The following SMAD1 variants were observed in gnomAD, a reference collection of about 807,000 sequenced individuals.
SMAD1 encodes the protein SMAD family member 1, also known as MAD, mothers against decapentaplegic homolog 1.
SMAD1 carries 6 observed loss-of-function variants against 41.6 expected under a neutral mutation model. The ratio of observed to expected loss-of-function variants is 0.14; its 90% confidence interval spans 0.08 to 0.28. SMAD1 has a LOEUF of 0.28. Among genes scored for constraint, SMAD1 ranks in the 10% least tolerant of loss-of-function variants. SMAD1 has a pLI of 1.00. For synonymous variants in SMAD1, 206 were observed against 203.2 expected (o/e 1.01, Z -0.12); for missense variants, 379 against 582.6 (o/e 0.65, Z 3.60).
intron 1 of SMAD1, among the ~76,000 whole-genome samples, chr4:145,489,760 T>C (rs1728676428): frequency 1.3e-5 from 2 of 152,214 alleles, no homozygotes; most frequent in Admixed American, 6.5e-5. Flanking sequence ...AGCTTTACGT[T>C]AGACTCTCTG....
At chr4:145,541,389 G>A (rs1394327296) in intron 3 of SMAD1, among the ~76,000 whole-genome samples, 1 of 152,192 alleles carries the variant, frequency 6.6e-6, no homozygotes, top group African/African-American at 2.4e-5. Context: ...GCCATAGGTT[G>A]CCAATGAAAT....
At chr4:145,553,371 G>T (rs1732661087) in intron 5 of SMAD1, among the ~76,000 whole-genome samples, 1 of 152,130 alleles carries the variant, frequency 6.6e-6, no homozygotes. Flanking sequence ...TTTTTCCACA[G>T]GGGATGGGAA....
At chr4:145,522,073 C>A (rs1212852505) in intron 2 of SMAD1, among the ~76,000 whole-genome samples, 4 of 151,950 alleles carry the variant, frequency 2.6e-5, no homozygotes, top group African/African-American at 9.7e-5. Context: ...TTTGGGAGGC[C>A]AAGGCGGGCG....
In SMAD1 at chr4:145,503,990, A is replaced by G. The variant is rs192831480; in HGVS notation, c.-176-10448A>G. ...AATTGGAATAATTGGGTAAATAATT[A>G]TCTTGTTTCTGTTCATCTTTCTTAA... On this transcript the variant is annotated intron_variant, in intron 1 of 6. Coordinates refer to ENST00000302085, the MANE Select transcript of SMAD1 (RefSeq NM_005900.3). The G allele has an allele frequency of 3.9e-5, 6 of 152,284 alleles. No homozygotes were observed. In the East Asian group the frequency reaches 1.2e-3, roughly 29 times the overall value. 9.4% of individuals were successfully genotyped at this position (152,284 alleles called of 1,614,324 possible). A position where few individuals can be genotyped will look rare whatever the true frequency, so the allele number is the denominator to read the frequency against.
chr4:145,554,441 C>G (rs1732728400), intron 6 of SMAD1, among the ~76,000 whole-genome samples: 1 of 151,770 alleles, frequency 6.6e-6, no homozygotes, highest in South Asian at 2.1e-4. Context: ...GATGGTAATG[C>G]TTGTTTTTGT....
At chr4:145,494,961 G>A (rs1728983957) in intron 1 of SMAD1, among the ~76,000 whole-genome samples, 1 of 152,178 alleles carries the variant, frequency 6.6e-6, no homozygotes, top group Non-Finnish European at 1.5e-5. Flanking sequence ...CTTTGTGGAA[G>A]AATCAGCAGT....
At chr4:145,544,672 A>C (rs1732147902) in intron 4 of SMAD1, 1 of 151,812 alleles carries the variant, frequency 6.6e-6, no homozygotes, top group South Asian at 2.1e-4. Flanking sequence ...CACCACTTTA[A>C]TCATTATGAT....
In SMAD1 at chr4:145,542,613, T is replaced by G. The variant is rs1284133011; in HGVS notation, c.690T>G (p.Pro230=). 6.2e-7 allele frequency: 1 copy of G among 1,611,830 alleles called. No homozygotes were observed. The change falls in exon 4 of 7, where the codon CCT becomes CCG. Residue 230 remains proline (P), a synonymous_variant. Transcript: ENST00000302085. ...CGCCCCCACCTGCTTACCTGCCTCC[T>G]GAAGACCCCATGACCCAGGATGGCT... ...ADTPPPAYLP[P]EDPMTQDGSQ...
chr4:145,481,794 G>T (rs988807595), upstream of SMAD1: 4 of 189,156 alleles, frequency 2.1e-5, no homozygotes, highest in Non-Finnish European at 3.2e-5. Flanking sequence ...AGTGCGCCGG[G>T]TATTGGCAGC....
At position 145,515,134 on chromosome 4, in the gene SMAD1, CTGTGTGTG is replaced by C. The variant is rs377610507; in HGVS notation, c.400+157_400+164del. ...TGTAATTTAAAAATATTTGGGGAAA[CTGTGTGTG>C]TGTGTGTGTGTGTGTGTGTGTGTGT... On this transcript the variant is annotated intron_variant, in intron 2 of 6. Transcript: ENST00000302085. 4,744 of 535,442 alleles carry C rather than the reference CTGTGTGTG, an allele frequency of 8.9e-3. 49 individuals are homozygous for C. The highest frequency in any genetic ancestry group is 0.043 in the African/African-American group (2,038 of 46,926). 33.2% of individuals were successfully genotyped at this position (535,442 alleles called of 1,614,324 possible). A position where few individuals can be genotyped will look rare whatever the true frequency, so the allele number is the denominator to read the frequency against.
intron 5 of SMAD1, among the ~76,000 whole-genome samples, chr4:145,547,577 C>T (rs577730739): frequency 3.4e-4 from 52 of 152,232 alleles, no homozygotes; most frequent in African/African-American, 1.2e-3. Flanking sequence ...AAATAAATCC[C>T]GAACTCTTTT....
rs142898460 is a variant in SMAD1 at position 145,553,894 on chromosome 4, A to G, written c.1108A>G (p.Thr370Ala). ...CTACCATCATGGATTTCATCCTACT[A>G]CTGTTTGCAAGATCCCTAGTGGGTG... The part of the protein sequence containing the change: ...CNYHHGFHPT[T>A]VCKIPSGCSL... The change falls in exon 6 of 7, where the codon ACT becomes GCT. Residue 370 changes from threonine to alanine, a missense_variant. Thr to Ala is a moderately conservative substitution (Grantham distance 58, BLOSUM62 0). Coordinates refer to ENST00000302085, the MANE Select transcript of SMAD1 (RefSeq NM_005900.3). The G allele has an allele frequency of 1.1e-5, 17 of 1,614,106 alleles. No individual in the cohort carries two copies. Among genetic ancestry groups the G allele is most frequent in the Middle Eastern group, 1.6e-4 (1 of 6,062 alleles).
intron 1 of SMAD1, among the ~76,000 whole-genome samples, chr4:145,495,014 T>C (rs1728987671): frequency 2.6e-5 from 4 of 152,164 alleles, no homozygotes; most frequent in Admixed American, 2.6e-4. Context: ...AGAAAGCTGT[T>C]GAGGCCTGAG....
At position 145,482,790 on chromosome 4, in the gene SMAD1, C is replaced by T. The variant is rs1728265654; in HGVS notation, c.-177+752C>T. The T allele has an allele frequency of 6.6e-6, 1 of 152,216 alleles. No individual in the cohort carries two copies. Among genetic ancestry groups the T allele is most frequent in the South Asian group, 2.1e-4 (1 of 4,828 alleles). 9.4% of individuals were successfully genotyped at this position (152,216 alleles called of 1,614,324 possible). A position where few individuals can be genotyped will look rare whatever the true frequency, so the allele number is the denominator to read the frequency against. On this transcript the variant is annotated intron_variant, in intron 1 of 6. Transcript: ENST00000302085. The surrounding 1 kb of genome is among the most constrained non-coding windows in gnomAD (Gnocchi z 4.2). The stretch of plus-strand genomic sequence containing the variant: ...TGGTGTCTCGTTCCTTTCCCTTTAC[C>T]GGAGTCGATTGCCTCACTGCATGTG...
At chr4:145,494,069 C>G (rs1334263541) in intron 1 of SMAD1, among the ~76,000 whole-genome samples, 1 of 152,170 alleles carries the variant, frequency 6.6e-6, no homozygotes, top group Non-Finnish European at 1.5e-5. Context: ...TCTAGTGATT[C>G]TCCTGCCTCA....
intron 5 of SMAD1, among the ~76,000 whole-genome samples, chr4:145,553,267 G>A (rs1042264559): frequency 6.2e-5 from 8 of 129,674 alleles, no homozygotes; most frequent in South Asian, 2.6e-4. Context: ...CCTAGATACT[G>A]TATTAAGTAA....
At chr4:145,489,214 C>CTG (rs1728647378) in intron 1 of SMAD1, among the ~76,000 whole-genome samples, 2 of 152,226 alleles carry the variant, frequency 1.3e-5, no homozygotes, top group African/African-American at 4.8e-5. Flanking sequence ...TGCCTGACCT[C>CTG]AGTGGGTGTT....
At chr4:145,519,934 A>G (rs998460012) in intron 2 of SMAD1, among the ~76,000 whole-genome samples, 3 of 152,244 alleles carry the variant, frequency 2.0e-5, no homozygotes, top group Non-Finnish European at 2.9e-5. Context: ...TCACTTAACA[A>G]TAATGTCCGC....
chr4:145,552,433 TA>T (rs1732600523), intron 5 of SMAD1, among the ~76,000 whole-genome samples: 1 of 152,248 alleles, frequency 6.6e-6, no homozygotes, highest in Admixed American at 6.5e-5. Context: ...GTGACCTGTA[TA>T]AAGTCATCTT....
Sources: gnomAD v4.1 joint callset for allele counts (sites outside exome capture counted in the v4.1 genomes callset) on GRCh38, gnomAD v4.1.1 for gene constraint, Gnocchi (gnomAD v3.1) non-coding constraint, MANE v1.5 for transcripts, NCBI Gene and HGNC (gene_info 2026-07-23, HGNC 2026-07-21) for gene names.